Variants in GRID1 observed in about 807,000 individuals in gnomAD.
GRID1 encodes glutamate ionotropic receptor delta type subunit 1.
In GRID1, 28 loss-of-function variants were observed where a neutral mutation model predicts 98.0. The observed-to-expected ratio is 0.29, with a 90% confidence interval of 0.21 to 0.39. The LOEUF is 0.39. Ranked by LOEUF, GRID1 falls within the 10% of genes least tolerant of loss-of-function variation. The probability of loss-of-function intolerance (pLI) is 1.00; values close to 1 mark genes in which losing one functional copy is unlikely to be tolerated. For synonymous variants in GRID1, 553 were observed against 538.5 expected (o/e 1.03, Z -0.37); for missense variants, 1,111 against 1,340.5 (o/e 0.83, Z 2.67).
At chr10:86,158,397 T>C (rs908478821) in intron 3 of GRID1, among the ~76,000 whole-genome samples, 4 of 152,192 alleles carry the variant, frequency 2.6e-5, no homozygotes, top group Admixed American at 2.6e-4. Context: ...ACGATGACCA[T>C]CATCAGAAAT....
chr10:85,743,272 G>C (rs1005313679), intron 8 of GRID1, among the ~76,000 whole-genome samples: 9 of 152,106 alleles, frequency 5.9e-5, no homozygotes, highest in Admixed American at 5.9e-4. Flanking sequence ...CACTAGACAT[G>C]TGAGTGAATC....
rs1283337135 is a variant in GRID1 at position 85,647,384 on chromosome 10, G to T, written c.2011C>A (p.Leu671Met). The T allele has an allele frequency of 6.2e-7, 1 of 1,613,892 alleles. No individual in the cohort carries two copies. The highest frequency in any genetic ancestry group is 8.5e-7 in the Non-Finnish European group (1 of 1,179,730). The change falls in exon 13 of 16, where the codon CTG (leucine) becomes ATG (methionine). Residue 671 changes from leucine (L) to methionine (M), a missense_variant. Physicochemically the swap from Leu to Met is conservative, Grantham distance 15 (BLOSUM62 2). Transcript: ENST00000327946. Reference protein sequence around the residue: ...MDNPIRTFQDLSKQVEMSYGT... With the variant: ...MDNPIRTFQDMSKQVEMSYGT... ...TAAGACATTTCCACTTGTTTGGACA[G>T]GTCCTGGAAAGTCCTGAAATGCAGA... is the stretch of plus-strand genomic sequence containing the variant.
At chr10:85,608,660 G>T (rs58198058) in intron 15 of GRID1, among the ~76,000 whole-genome samples, 8,386 of 152,236 alleles carry the variant, frequency 0.055, 434 homozygotes, top group African/African-American at 0.13. Context: ...GCAATGCAGA[G>T]GTGAGGAGGC....
intron 4 of GRID1, among the ~76,000 whole-genome samples, chr10:86,064,024 T>G (rs1397301381): frequency 6.6e-6 from 1 of 152,202 alleles, no homozygotes; most frequent in Non-Finnish European, 1.5e-5. Flanking sequence ...ATATTAATGA[T>G]GTTTATCTCA....
intron 4 of GRID1, among the ~76,000 whole-genome samples, chr10:86,018,750 C>T (rs1247184924): frequency 6.6e-6 from 1 of 152,240 alleles, no homozygotes; most frequent in Non-Finnish European, 1.5e-5. Context: ...GCCCCGCCTT[C>T]CAGCTCCATC....
chr10:85,830,458 G>C (rs184948267), intron 8 of GRID1, among the ~76,000 whole-genome samples: 1 of 152,060 alleles, frequency 6.6e-6, no homozygotes, highest in South Asian at 2.1e-4. Context: ...ATTGACAAAG[G>C]AGACCTCAGT....
intron 4 of GRID1, among the ~76,000 whole-genome samples, chr10:86,047,165 G>A (rs1307844658): frequency 6.6e-6 from 1 of 152,208 alleles, no homozygotes; most frequent in Admixed American, 6.5e-5. Flanking sequence ...CCAAACTTGA[G>A]TTCATCATCA....
At chr10:85,985,018 G>A (rs1400012035) in intron 4 of GRID1, among the ~76,000 whole-genome samples, 1 of 152,090 alleles carries the variant, frequency 6.6e-6, no homozygotes, top group Non-Finnish European at 1.5e-5. Context: ...GTTGACCTCT[G>A]CATTGTAGGA....
chr10:85,697,621 A>G (rs1046670134), intron 12 of GRID1, among the ~76,000 whole-genome samples: 1 of 152,186 alleles, frequency 6.6e-6, no homozygotes, highest in African/African-American at 2.4e-5. Context: ...TAACATGTAG[A>G]GAAATTTACA....
chr10:86,138,683 T>C (rs1022603760), intron 4 of GRID1, 136 bp downstream of exon 4: 3 of 653,380 alleles, frequency 4.6e-6, no homozygotes, highest in African/African-American at 1.8e-5. Flanking sequence ...GGCTGAGTGC[T>C]GTGGGCCGAG....
chr10:86,305,855 A>G (rs921036903), intron 2 of GRID1, among the ~76,000 whole-genome samples: 3 of 152,090 alleles, frequency 2.0e-5, no homozygotes, highest in African/African-American at 4.8e-5. Flanking sequence ...ATTCTATAAC[A>G]TTGTCTCCAT....
At chr10:86,048,144 T>C (rs974701683) in intron 4 of GRID1, among the ~76,000 whole-genome samples, 8 of 152,180 alleles carry the variant, frequency 5.3e-5, no homozygotes, top group African/African-American at 2.4e-5. Flanking sequence ...TCAAAGTATT[T>C]TGAGGTTCCA....
chr10:85,831,296 G>A (rs562163987), intron 8 of GRID1, among the ~76,000 whole-genome samples: 5 of 151,954 alleles, frequency 3.3e-5, no homozygotes, highest in Admixed American at 6.6e-5. Flanking sequence ...AGGGTGGAGG[G>A]TGGGAGGGAG....
intron 2 of GRID1, among the ~76,000 whole-genome samples, chr10:86,247,287 G>A (rs770185546): frequency 6.0e-5 from 9 of 150,284 alleles, no homozygotes; most frequent in African/African-American, 7.4e-5. Context: ...ATGGATAGAC[G>A]GATGGATGGA....
chr10:86,080,986 GAC>G (rs1843970114), intron 4 of GRID1, among the ~76,000 whole-genome samples: 1 of 152,120 alleles, frequency 6.6e-6, no homozygotes, highest in Non-Finnish European at 1.5e-5. Context: ...AAAAGCCCCA[GAC>G]ACAGAGAGGC....
intron 12 of GRID1, among the ~76,000 whole-genome samples, chr10:85,712,912 C>T (rs1388692434): frequency 6.6e-6 from 1 of 151,582 alleles, no homozygotes; most frequent in East Asian, 1.9e-4. Flanking sequence ...TAATAGGATG[C>T]AGCAAGAGCC....
At chr10:85,762,519 T>C (rs1182385384) in intron 8 of GRID1, among the ~76,000 whole-genome samples, 2 of 152,168 alleles carry the variant, frequency 1.3e-5, no homozygotes, top group African/African-American at 2.4e-5. Context: ...ACTGTGGACC[T>C]TGAATTTGTG....
At chr10:85,961,327 C>T (rs118122745) in intron 4 of GRID1, among the ~76,000 whole-genome samples, 7,881 of 152,182 alleles carry the variant, frequency 0.052, 246 homozygotes, top group Middle Eastern at 0.11. Context: ...CAACAAGTCT[C>T]CCGCATCTGT....
intron 4 of GRID1, among the ~76,000 whole-genome samples, chr10:86,074,172 C>T (rs528498092): frequency 3.3e-5 from 5 of 152,288 alleles, no homozygotes; most frequent in South Asian, 2.1e-4. Context: ...TTATGTGTAG[C>T]GATCAAGCCA....
Sources: allele counts gnomAD v4.1 joint callset (sites outside exome capture counted in the v4.1 genomes callset), GRCh38; gene constraint gnomAD v4.1.1; transcripts MANE v1.5; gene names NCBI Gene and HGNC (gene_info 2026-07-23, HGNC 2026-07-21).